PAQR3: variants seen among roughly 807,000 people sequenced by gnomAD.
PAQR3 encodes Raf kinase trapping to Golgi.
A neutral mutation model predicts 41.7 loss-of-function variants in PAQR3; 39 were observed. The ratio of observed to expected loss-of-function variants is 0.93; its 90% confidence interval spans 0.72 to 1.22. The LOEUF (loss-of-function observed/expected upper bound fraction) is 1.22, where lower values mean the gene tolerates loss of function less well. Among genes scored for constraint, PAQR3 ranks in the 50% most tolerant of loss-of-function variants. The probability of loss-of-function intolerance (pLI) is 0.00; values close to 1 mark genes in which losing one functional copy is unlikely to be tolerated. For missense variants in PAQR3, 366 were observed against 385.6 expected, an observed-to-expected ratio of 0.95 and a Z score of 0.42; for synonymous variants, 140 against 140.6, an observed-to-expected ratio of 1.00 and a Z score of 0.03.
chr4:78,923,597 TCA>T, intron 5 of PAQR3: 1 of 462,600 alleles, frequency 2.2e-6, no homozygotes, highest in Non-Finnish European at 3.8e-6. Context: ...GTCAGAAGAC[TCA>T]AAGTCTAATG....
At chr4:78,901,331 G>C (rs1338585881) in intron 11 of PAQR3, among the ~76,000 whole-genome samples, 5 of 151,996 alleles carry the variant, frequency 3.3e-5, no homozygotes, top group African/African-American at 1.2e-4. Context: ...AAAGTGCTGG[G>C]ATTACAGGCA....
chr4:78,932,431 A>G (rs764658619), intron 2 of PAQR3, among the ~76,000 whole-genome samples: 18 of 152,166 alleles, frequency 1.2e-4, no homozygotes, highest in African/African-American at 1.7e-4. Flanking sequence ...ACACAAGGGC[A>G]GGTCGCAAAA....
intron 5 of PAQR3, among the ~76,000 whole-genome samples, chr4:78,921,126 A>G (rs1735622999): frequency 6.6e-6 from 1 of 151,966 alleles, no homozygotes; most frequent in Non-Finnish European, 1.5e-5. Context: ...TTTTTATTTC[A>G]AGCAGGTGTG....
intron 1 of PAQR3, among the ~76,000 whole-genome samples, chr4:78,935,822 C>T (rs1396955241): frequency 3.9e-5 from 6 of 152,128 alleles, no homozygotes; most frequent in African/African-American, 1.2e-4. Flanking sequence ...TTAAGAGAAG[C>T]AAAATAAATA....
Position 78,905,361 on chromosome 4 carries a change from C to A in PAQR3, c.*836+747G>T, listed in dbSNP as rs552008254. On this transcript the variant is annotated intron_variant and NMD_transcript_variant, in intron 11 of 12. Coordinates refer to the PAQR3 transcript ENST00000342820. ...AAATAAAGAATATCTTGACTAGAAA[C>A]CATCAAAATATCATTCTACCATATT... Among the ~76,000 whole-genome samples, 3 of 151,720 alleles carry A rather than the reference C, an allele frequency of 2.0e-5. No individual in the cohort carries two copies. In the South Asian group the frequency reaches 6.2e-4, roughly 31 times the overall value.
chr4:78,936,614 G>GA (rs1737450703), intron 1 of PAQR3, among the ~76,000 whole-genome samples: 1 of 152,222 alleles, frequency 6.6e-6, no homozygotes, highest in Non-Finnish European at 1.5e-5. Flanking sequence ...CTTGGATCAT[G>GA]AATTTCAGGC....
intron 2 of PAQR3, chr4:78,932,936 G>T: frequency 3.3e-6 from 1 of 302,274 alleles, no homozygotes. Flanking sequence ...ACTCCATCAA[G>T]GTAGACAGAT....
Position 78,917,042 on chromosome 4 carries a change from C to G in PAQR3, c.*3497G>C, listed in dbSNP as rs1351586198. ...ATGAATGGTACAAAGCAAAATAACACAAATGATTAGAAAAGTTCTATTAAC... is the reference window on the plus strand; with the variant it reads ...ATGAATGGTACAAAGCAAAATAACAGAAATGATTAGAAAAGTTCTATTAAC... On this transcript the variant is annotated 3_prime_UTR_variant, in exon 6 of 6. Transcript: ENST00000512733. The G allele has an allele frequency of 3.3e-5, 5 of 152,000 alleles. No homozygotes were observed. In the East Asian group the frequency reaches 9.6e-4, roughly 29 times the overall value. The allele number at this position is 152,000 out of a possible 1,614,324, so 9.4% of individuals were successfully genotyped here.
rs991133373 is a variant in PAQR3, at chr4:78,915,996, C to A, written c.*4543G>T. ...TTGTTAAACTTGAATTTTCTGAAGC[C>A]TTTTATGTACCACTAAGCAAATAAC... On this transcript the variant is annotated 3_prime_UTR_variant, in exon 6 of 6. Transcript: ENST00000512733. The A allele has an allele frequency of 6.6e-6, 1 of 151,762 alleles. No individual in the cohort carries two copies. The highest frequency in any genetic ancestry group is 1.5e-5 in the Non-Finnish European group (1 of 67,810). 9.4% of individuals were successfully genotyped at this position (151,762 alleles called of 1,614,324 possible). A position where few individuals can be genotyped will look rare whatever the true frequency, so the allele number is the denominator to read the frequency against.
At chr4:78,939,008 G>A (rs763590524) in intron 1 of PAQR3, 32 bp downstream of exon 1, 3 of 1,545,558 alleles carry the variant, frequency 1.9e-6, no homozygotes, top group Non-Finnish European at 2.6e-6. Context: ...TGAGAGAAGG[G>A]GGCACTCCAG....
At position 78,939,396 on chromosome 4, in the gene PAQR3, C is replaced by T; in HGVS notation, c.-172G>A. The T allele has an allele frequency of 5.3e-6, 2 of 376,586 alleles. No individual in the cohort carries two copies. Among genetic ancestry groups the T allele is most frequent in the Non-Finnish European group, 4.2e-6 (1 of 237,942 alleles). The allele number at this position is 376,586 out of a possible 1,614,324, so 23.3% of individuals were successfully genotyped here. A position where few individuals can be genotyped will look rare whatever the true frequency, so the allele number is the denominator to read the frequency against. On this transcript the variant is annotated 5_prime_UTR_variant, in exon 1 of 6. Coordinates refer to ENST00000512733, the MANE Select transcript of PAQR3 (RefSeq NM_001040202.2). ...GGCTCTGCGCTCACACCGGCCACTGCCGCCAGCGCCGCGGCGGACCCGGCA... is the reference window on the plus strand; with the variant it reads ...GGCTCTGCGCTCACACCGGCCACTGTCGCCAGCGCCGCGGCGGACCCGGCA...
In PAQR3 at chr4:78,919,844, T is replaced by A; in HGVS notation, c.*695A>T. Reference sequence around the variant, plus strand: ...TTTGACCACATAATTTGTTGTCTAATCTTGTACTTAGTTTCTAATGTGATT... The same window carrying A: ...TTTGACCACATAATTTGTTGTCTAAACTTGTACTTAGTTTCTAATGTGATT... On this transcript the variant is annotated 3_prime_UTR_variant, in exon 6 of 6. Coordinates refer to ENST00000512733, the MANE Select transcript of PAQR3 (RefSeq NM_001040202.2). The A allele has an allele frequency of 1.0e-6, 1 of 984,336 alleles. No individual in the cohort carries two copies. Among genetic ancestry groups the A allele is most frequent in the African/African-American group, 1.7e-5 (1 of 57,300 alleles). 61.0% of individuals were successfully genotyped at this position (984,336 alleles called of 1,614,324 possible).
chr4:78,936,815 C>CGAG (rs1737474205), intron 1 of PAQR3, among the ~76,000 whole-genome samples: 1 of 152,136 alleles, frequency 6.6e-6, no homozygotes, highest in South Asian at 2.1e-4. Context: ...ACCACCTCTC[C>CGAG]ATGTTCCCTG....
intron 11 of PAQR3, among the ~76,000 whole-genome samples, chr4:78,888,419 C>T (rs918200380): frequency 6.6e-6 from 1 of 152,170 alleles, no homozygotes; most frequent in Non-Finnish European, 1.5e-5. Flanking sequence ...TGTAAGTTCT[C>T]AAGAACATAG....
intron 2 of PAQR3, among the ~76,000 whole-genome samples, chr4:78,932,655 T>A (rs895822354): frequency 6.6e-6 from 1 of 152,174 alleles, no homozygotes. Flanking sequence ...TCTACATGAT[T>A]ATATCTTGTA....
intron 11 of PAQR3, among the ~76,000 whole-genome samples, chr4:78,898,310 C>T (rs1020454444): frequency 2.6e-5 from 4 of 151,966 alleles, no homozygotes; most frequent in Admixed American, 1.3e-4. Context: ...TTTGTTGGAA[C>T]ATAACATTTA....
chr4:78,891,989 T>C, intron 11 of PAQR3, among the ~76,000 whole-genome samples: 1 of 152,298 alleles, frequency 6.6e-6, no homozygotes, highest in Non-Finnish European at 1.5e-5. Flanking sequence ...ATTTCTTTTA[T>C]AAAAAATATT....
chr4:78,904,383 C>T (rs1483578017), intron 11 of PAQR3, among the ~76,000 whole-genome samples: 3 of 151,868 alleles, frequency 2.0e-5, no homozygotes, highest in Admixed American at 2.0e-4. Context: ...CCCTCTGATT[C>T]ATTTCTGATT....
In PAQR3 at chr4:78,930,473, T is replaced by C; in HGVS notation, c.349-148A>G. On this transcript the variant is annotated intron_variant, in intron 2 of 5. Coordinates refer to ENST00000512733, the MANE Select transcript of PAQR3 (RefSeq NM_001040202.2). Reference sequence around the variant, plus strand: ...AGCTCTGTGCCTTACATGGCTACTGTAGAGCTCACTCTACATGTAGAGCCA... The same window carrying C: ...AGCTCTGTGCCTTACATGGCTACTGCAGAGCTCACTCTACATGTAGAGCCA... 3 of 721,280 alleles carry C rather than the reference T, an allele frequency of 4.2e-6. 1 individual carries two copies. The highest frequency in any genetic ancestry group is 4.3e-6 in the Non-Finnish European group (2 of 469,706). The allele number at this position is 721,280 out of a possible 1,614,324, so 44.7% of individuals were successfully genotyped here. A position where few individuals can be genotyped will look rare whatever the true frequency, so the allele number is the denominator to read the frequency against.
Sources: allele counts gnomAD v4.1 joint callset (sites outside exome capture counted in the v4.1 genomes callset), GRCh38; gene constraint gnomAD v4.1.1; transcripts MANE v1.5; gene names NCBI Gene and HGNC (gene_info 2026-07-23, HGNC 2026-07-21).